NMNAT2: variants seen among roughly 807,000 people sequenced by gnomAD.
NMNAT2 encodes nicotinamide/nicotinic acid mononucleotide adenylyltransferase 2.
A neutral mutation model predicts 41.6 loss-of-function variants in NMNAT2; 11 were observed. The ratio of observed to expected loss-of-function variants is 0.26; its 90% CI spans 0.17 to 0.44. NMNAT2 has a LOEUF of 0.44. Ranked by LOEUF, NMNAT2 falls within the 20% of genes least tolerant of loss-of-function variation. The probability of loss-of-function intolerance (pLI) is 1.00; values close to 1 mark genes in which losing one functional copy is unlikely to be tolerated. For synonymous variants in NMNAT2, 148 were observed against 151.2 expected (o/e 0.98, Z 0.16); for missense variants, 288 against 407.7 (o/e 0.71, Z 2.53).
At chr1:183,418,120 A>G (rs1649306113) in intron 1 of NMNAT2, 63 bp downstream of exon 1, 2 of 1,490,990 alleles carry the variant, frequency 1.3e-6, no homozygotes, top group Non-Finnish European at 1.9e-6. Flanking sequence ...GCCCTGGAAA[A>G]CACAGGTGCC....
chr1:183,403,449 C>G (rs1011058037), intron 1 of NMNAT2, among the ~76,000 whole-genome samples: 8 of 151,464 alleles, frequency 5.3e-5, no homozygotes, highest in South Asian at 2.1e-4. Flanking sequence ...AACCCCCCCC[C>G]CCAAAAAAAA....
At chr1:183,299,217 C>T (rs927363213) in intron 1 of NMNAT2, among the ~76,000 whole-genome samples, 1 of 151,852 alleles carries the variant, frequency 6.6e-6, no homozygotes, top group Non-Finnish European at 1.5e-5. Flanking sequence ...ACTAAAAATA[C>T]AAAAATTAGC....
chr1:183,417,835 T>C (rs888048532), intron 1 of NMNAT2, among the ~76,000 whole-genome samples: 1 of 152,056 alleles, frequency 6.6e-6, no homozygotes, highest in East Asian at 1.9e-4. Flanking sequence ...TCTGCCCCCA[T>C]CCCGGTCTTC....
chr1:183,328,251 C>A lies in NMNAT2; in HGVS notation c.86-34458G>T, dbSNP rs939761208. On this transcript the variant is annotated intron_variant, in intron 1 of 10. Coordinates refer to ENST00000287713, the MANE Select transcript of NMNAT2 (RefSeq NM_015039.4). ...CTTCCTGGCTCCCTGGCTTCCTCCCCACCCATCTGCTCTACCCCCTCTCAC... is the reference window on the plus strand; with the variant it reads ...CTTCCTGGCTCCCTGGCTTCCTCCCAACCCATCTGCTCTACCCCCTCTCAC... 9.5e-4 allele frequency among the ~76,000 whole-genome samples: 145 copies of A among 152,302 alleles called. 1 individual carries two copies. Among genetic ancestry groups the A allele is most frequent in the African/African-American group, 3.2e-3 (135 of 41,560 alleles).
At chr1:183,256,176 G>A (rs188254819) in intron 10 of NMNAT2, among the ~76,000 whole-genome samples, 1 of 152,178 alleles carries the variant, frequency 6.6e-6, no homozygotes, top group Non-Finnish European at 1.5e-5. Context: ...GGGAGGCTGA[G>A]GCAGGCAGAT....
At chr1:183,317,952 G>A (rs977243831) in intron 1 of NMNAT2, among the ~76,000 whole-genome samples, 1 of 152,208 alleles carries the variant, frequency 6.6e-6, no homozygotes. Context: ...CACCCACTGT[G>A]AGACACAAAT....
chr1:183,408,837 A>T (rs55638901), intron 1 of NMNAT2, among the ~76,000 whole-genome samples: 13,778 of 152,302 alleles, frequency 0.09, 802 homozygotes, highest in Middle Eastern at 0.18. Context: ...TTATTGTCTT[A>T]ATTTTAATTT....
In NMNAT2 at chr1:183,286,705, C is replaced by T; in HGVS notation, c.405G>A (p.Gln135=). Reference sequence around the variant, plus strand: ...CCACGTTGCTGTTCTGGTAAATGGGCTGGGGGGTCTCGTTTTGTGGCTGTC... The same window carrying T: ...CCACGTTGCTGTTCTGGTAAATGGGTTGGGGGGTCTCGTTTTGTGGCTGTC... The part of the protein sequence containing the change: ...VIGQPQNETP[Q]PIYQNSNVAT... Residue 135 remains glutamine (Q), a synonymous_variant, in exon 5 of 11, where the codon CAG becomes CAA. Coordinates refer to ENST00000287713, the MANE Select transcript of NMNAT2 (RefSeq NM_015039.4). 1 of 1,612,342 alleles carries T rather than the reference C, an allele frequency of 6.2e-7. No individual in the cohort carries two copies. Among genetic ancestry groups the T allele is most frequent in the Admixed American group, 1.7e-5 (1 of 59,672 alleles).
At chr1:183,278,930 A>C (rs1248537350) in intron 7 of NMNAT2, among the ~76,000 whole-genome samples, 2 of 152,214 alleles carry the variant, frequency 1.3e-5, no homozygotes, top group Non-Finnish European at 2.9e-5. Context: ...TTTCAGGGCT[A>C]AGCCAGGATG....
intron 1 of NMNAT2, among the ~76,000 whole-genome samples, chr1:183,318,256 T>C (rs1400832377): frequency 6.6e-6 from 1 of 152,206 alleles, no homozygotes; most frequent in Non-Finnish European, 1.5e-5. Context: ...CTCTCACTTT[T>C]GTGTCACTGG....
In NMNAT2 at chr1:183,386,878, T is replaced by G. The variant is rs1412094807; in HGVS notation, c.85+31305A>C. 2.0e-5 allele frequency among the ~76,000 whole-genome samples: 3 copies of G among 152,216 alleles called. No homozygotes were observed. In the East Asian group the frequency reaches 5.8e-4, roughly 29 times the overall value. On this transcript the variant is annotated intron_variant, in intron 1 of 10. Coordinates refer to ENST00000287713, the MANE Select transcript of NMNAT2 (RefSeq NM_015039.4). ...GGACACTTAGAGTAATGATAAAATT[T>G]TATTATACAGAGATGCAAGAAGTAC...
At chr1:183,310,882 C>T (rs1162728175) in intron 1 of NMNAT2, among the ~76,000 whole-genome samples, 1 of 151,514 alleles carries the variant, frequency 6.6e-6, no homozygotes, top group Admixed American at 6.6e-5. Flanking sequence ...TGGAATTTCA[C>T]AGTCTGTTTT....
chr1:183,314,824 A>C (rs1204830738), intron 1 of NMNAT2, among the ~76,000 whole-genome samples: 6 of 152,314 alleles, frequency 3.9e-5, no homozygotes, highest in Admixed American at 2.6e-4. Flanking sequence ...AATTACAGTA[A>C]GCTATGATGG....
chr1:183,296,825 T>C (rs1259146438), intron 1 of NMNAT2, among the ~76,000 whole-genome samples: 1 of 152,134 alleles, frequency 6.6e-6, no homozygotes, highest in Non-Finnish European at 1.5e-5. Context: ...CATATTTGCT[T>C]TTTAAAAGAG....
intron 8 of NMNAT2, among the ~76,000 whole-genome samples, chr1:183,265,286 T>G (rs1193566986): frequency 1.0e-5 from 1 of 100,490 alleles, no homozygotes; most frequent in Non-Finnish European, 2.1e-5. Flanking sequence ...TTTTTTTTTT[T>G]GAGACAGAGT....
intron 1 of NMNAT2, among the ~76,000 whole-genome samples, chr1:183,327,779 TA>T (rs1489744864): frequency 6.6e-6 from 1 of 152,162 alleles, no homozygotes; most frequent in African/African-American, 2.4e-5. Context: ...GAATTAGAAA[TA>T]AAAATAGTCT....
chr1:183,360,885 A>T (rs975525340), intron 1 of NMNAT2, among the ~76,000 whole-genome samples: 12 of 152,158 alleles, frequency 7.9e-5, no homozygotes, highest in African/African-American at 1.2e-4. Context: ...TTTATTTTTT[A>T]AAAAATACAT....
chr1:183,364,596 T>A (rs1453955758), intron 1 of NMNAT2, among the ~76,000 whole-genome samples: 1 of 150,944 alleles, frequency 6.6e-6, no homozygotes, highest in Non-Finnish European at 1.5e-5. Context: ...AAATTTATAG[T>A]TTAATTTTGT....
intron 1 of NMNAT2, among the ~76,000 whole-genome samples, chr1:183,371,409 A>G (rs1476369289): frequency 6.6e-6 from 1 of 152,186 alleles, no homozygotes; most frequent in African/African-American, 2.4e-5. Flanking sequence ...GTCAATAAAC[A>G]TTGTCCAAAA....
Sources: gnomAD v4.1 joint callset for allele counts (sites outside exome capture counted in the v4.1 genomes callset) on GRCh38, gnomAD v4.1.1 for gene constraint, MANE v1.5 for transcripts, NCBI Gene and HGNC (gene_info 2026-07-23, HGNC 2026-07-21) for gene names.